RTCA: variants seen among roughly 807,000 people sequenced by gnomAD.
The protein encoded by RTCA is RNA 3'-terminal phosphate cyclase, also known as RNA terminal phosphate cyclase domain 1.
Under a neutral mutation model 46.1 loss-of-function variants are expected in RTCA, and 37 were observed. The ratio of observed to expected loss-of-function variants is 0.80; its 90% CI spans 0.62 to 1.06. The LOEUF is 1.06. RTCA is among the 50% of genes least tolerant of loss of function. The probability of loss-of-function intolerance (pLI) is 0.00; values close to 1 mark genes in which losing one functional copy is unlikely to be tolerated. For missense variants in RTCA, 435 were observed against 455.5 expected (o/e 0.95, Z 0.41); for synonymous variants, 164 against 158.3 (o/e 1.04, Z -0.27).
chr1:100,270,941 C>T (rs1005219486), intron 4 of RTCA, among the ~76,000 whole-genome samples: 2 of 151,762 alleles, frequency 1.3e-5, no homozygotes, highest in African/African-American at 2.4e-5. Context: ...GCTGGGACTA[C>T]AGGCACACAC....
At chr1:100,285,190 TTTGTTTTG>T in intron 8 of RTCA, 30 bp from the exon 9 acceptor site, 7 of 1,506,982 alleles carry the variant, frequency 4.6e-6, no homozygotes, top group Non-Finnish European at 6.5e-6. Context: ...TTTGTTTTGT[TTTGTTTTG>T]TTTTGTTTTA....
At chr1:100,279,018 A>G (rs1201251427) in intron 8 of RTCA, among the ~76,000 whole-genome samples, 1 of 152,228 alleles carries the variant, frequency 6.6e-6, no homozygotes, top group Admixed American at 6.5e-5. Flanking sequence ...TTTGGCATAT[A>G]CTAATTACAT....
chr1:100,282,887 A>G (rs567421203), intron 8 of RTCA, among the ~76,000 whole-genome samples: 25 of 152,122 alleles, frequency 1.6e-4, no homozygotes, highest in Non-Finnish European at 3.5e-4. Context: ...GCTTACTGCA[A>G]CCTCTGCCTC....
chr1:100,268,429 C>A, intron 3 of RTCA, 134 bp downstream of exon 3: 1 of 731,080 alleles, frequency 1.4e-6, no homozygotes, highest in Non-Finnish European at 2.2e-6. Context: ...ACAAGGTATC[C>A]CTCTTGCCCA....
chr1:100,279,311 A>G (rs1019434586), intron 8 of RTCA, among the ~76,000 whole-genome samples: 3 of 152,184 alleles, frequency 2.0e-5, no homozygotes, highest in African/African-American at 7.2e-5. Flanking sequence ...TGATAGTGGT[A>G]TCCCCAGGGT....
chr1:100,274,524 T>C (rs193085528), intron 5 of RTCA, among the ~76,000 whole-genome samples: 69 of 152,338 alleles, frequency 4.5e-4, no homozygotes, highest in Admixed American at 8.5e-4. Context: ...TCCAATATGG[T>C]AGTCACTAGC....
chr1:100,287,445 T>C (rs1034110413), intron 10 of RTCA, among the ~76,000 whole-genome samples: 1 of 152,196 alleles, frequency 6.6e-6, no homozygotes, highest in African/African-American at 2.4e-5. Flanking sequence ...ATTCATTAAA[T>C]TGTTCAAGGC....
At chr1:100,275,469 CTT>C in intron 6 of RTCA, 128 bp from the exon 7 acceptor site, 1 of 617,968 alleles carries the variant, frequency 1.6e-6, no homozygotes, top group Admixed American at 3.7e-5. Context: ...TCAGTGCTCT[CTT>C]GAAAATCAAG....
chr1:100,290,726 A>T (rs1667298960), intron 10 of RTCA, among the ~76,000 whole-genome samples: 2 of 152,204 alleles, frequency 1.3e-5, no homozygotes, highest in South Asian at 4.1e-4. Context: ...TGTTCATGCC[A>T]CTGCACTGCA....
At chr1:100,289,128 T>C (rs2100817066) in intron 10 of RTCA, among the ~76,000 whole-genome samples, 2 of 146,114 alleles carry the variant, frequency 1.4e-5, no homozygotes, top group South Asian at 4.3e-4. Flanking sequence ...CTGGCCTTTC[T>C]TTTTTTTTTT....
intron 9 of RTCA, among the ~76,000 whole-genome samples, chr1:100,286,454 C>CAAAAAAAAAAAAAAAAAAA (rs754851046): frequency 2.2e-5 from 1 of 45,360 alleles, no homozygotes. Flanking sequence ...GACTCCGTCT[C>CAAAAAAAAAAAAAAAAAAA]AAAAAAAAAA....
Position 100,291,631 on chromosome 1 carries a change from A to G in RTCA, c.*127A>G. The G allele has an allele frequency of 3.6e-6, 2 of 561,934 alleles. No homozygotes were observed. Among genetic ancestry groups the G allele is most frequent in the South Asian group, 5.7e-5 (2 of 35,136 alleles). The allele number at this position is 561,934 out of a possible 1,614,324, so 34.8% of individuals were successfully genotyped here. Reference sequence around the variant, plus strand: ...ATTTGAAGATGAAGTACAGTGTTCTAGGTTTGCTGAGAAGGCTTCATTAAA... The same window carrying G: ...ATTTGAAGATGAAGTACAGTGTTCTGGGTTTGCTGAGAAGGCTTCATTAAA... On this transcript the variant is annotated 3_prime_UTR_variant, in exon 11 of 11. Coordinates refer to ENST00000370128, the MANE Select transcript of RTCA (RefSeq NM_003729.4).
intron 8 of RTCA, among the ~76,000 whole-genome samples, chr1:100,278,954 C>A (rs963926323): frequency 2.6e-5 from 4 of 152,176 alleles, no homozygotes; most frequent in Non-Finnish European, 5.9e-5. Flanking sequence ...AACAAACTTT[C>A]CAGGTACTTT....
In RTCA at chr1:100,268,402, T is replaced by C. The variant is rs577323651; in HGVS notation, c.290+107T>C. 6.4e-4 allele frequency: 584 copies of C among 917,510 alleles called. 2 individuals carry two copies. In the African/African-American group the frequency reaches 9.0e-3, roughly 14 times the overall value. The allele number at this position is 917,510 out of a possible 1,614,324, so 56.8% of individuals were successfully genotyped here. A position where few individuals can be genotyped will look rare whatever the true frequency, so the allele number is the denominator to read the frequency against. ...CTATGAGCTTGTTTCCCTACTTTTA[T>C]GTTTTTTTTTTTTGAGACAAGGTAT... On this transcript the variant is annotated intron_variant, in intron 3 of 10. Coordinates refer to ENST00000370128, the MANE Select transcript of RTCA (RefSeq NM_003729.4).
intron 3 of RTCA, among the ~76,000 whole-genome samples, chr1:100,269,350 T>G (rs1665954422): frequency 6.7e-6 from 1 of 148,220 alleles, no homozygotes; most frequent in Non-Finnish European, 1.5e-5. Context: ...ATGTGAAATA[T>G]TTAGCTATCA....
intron 8 of RTCA, among the ~76,000 whole-genome samples, chr1:100,278,340 TAGAG>T (rs1158146494): frequency 6.6e-6 from 1 of 152,212 alleles, no homozygotes; most frequent in Non-Finnish European, 1.5e-5. Flanking sequence ...TTTGGTATAT[TAGAG>T]AGAGAAGATA....
At chr1:100,276,913 T>G (rs1666420803) in intron 7 of RTCA, among the ~76,000 whole-genome samples, 1 of 152,220 alleles carries the variant, frequency 6.6e-6, no homozygotes, top group South Asian at 2.1e-4. Flanking sequence ...ATAACGACCT[T>G]TTTATTTAAG....
At chr1:100,289,376 C>T (rs61022733) in intron 10 of RTCA, among the ~76,000 whole-genome samples, 3,835 of 152,070 alleles carry the variant, frequency 0.025, 169 homozygotes, top group African/African-American at 0.088. Flanking sequence ...CTCCTGGGCT[C>T]AAGTGATCCT....
intron 5 of RTCA, among the ~76,000 whole-genome samples, chr1:100,274,480 T>G (rs1310125109): frequency 6.6e-6 from 1 of 152,220 alleles, no homozygotes; most frequent in Admixed American, 6.5e-5. Flanking sequence ...AATAGAACTT[T>G]CTGCATTGGG....
Sources: gnomAD v4.1 joint callset for allele counts (sites outside exome capture counted in the v4.1 genomes callset) on GRCh38, gnomAD v4.1.1 for gene constraint, MANE v1.5 for transcripts, NCBI Gene and HGNC (gene_info 2026-07-23, HGNC 2026-07-21) for gene names.